Variants in GALNT13 observed in about 807,000 individuals in gnomAD.
GALNT13 encodes polypeptide N-acetylgalactosaminyltransferase 13, also known as UDP-GalNAc:polypeptide N-acetylgalactosaminyltransferase 13.
In GALNT13, 28 loss-of-function variants were observed where a neutral mutation model predicts 64.2. The ratio of observed to expected loss-of-function variants is 0.44; its 90% CI spans 0.32 to 0.60. The LOEUF is 0.60. GALNT13 is among the 20% of genes least tolerant of loss of function. The pLI is 0.05. For missense variants in GALNT13, 577 were observed against 669.8 expected (o/e 0.86, Z 1.53); for synonymous variants, 214 against 224.6 (o/e 0.95, Z 0.42).
At chr2:154,274,945 C>G (rs180839371) in intron 8 of GALNT13, among the ~76,000 whole-genome samples, 13 of 152,184 alleles carry the variant, frequency 8.5e-5, no homozygotes, top group African/African-American at 3.1e-4. Flanking sequence ...AAAGTCCAGG[C>G]TGAGGTGGTC....
At chr2:154,334,208 T>C (rs1226295099) in intron 9 of GALNT13, among the ~76,000 whole-genome samples, 2 of 152,084 alleles carry the variant, frequency 1.3e-5, no homozygotes, top group Admixed American at 1.3e-4. Context: ...ATTCAACTAA[T>C]GTTAGAGATA....
rs115721635 is a variant in GALNT13, at chr2:154,014,403, G to A, written c.142+69764G>A. On this transcript the variant is annotated intron_variant, in intron 3 of 12. Coordinates refer to ENST00000392825, the MANE Select transcript of GALNT13 (RefSeq NM_052917.4). ...CAGTATTCACTGGGGGCCAGGAGTG[G>A]GTCACAGGGCTCAACAGCCCCATGC... 7.1e-3 allele frequency among the ~76,000 whole-genome samples: 1,072 copies of A among 151,908 alleles called. 16 individuals carry two copies. The highest frequency in any genetic ancestry group is 0.024 in the African/African-American group (1,003 of 41,446).
At chr2:153,720,283 A>G in the GALNT13 span, among the ~76,000 whole-genome samples, 2 of 145,488 alleles carry the variant, frequency 1.4e-5, no homozygotes, top group Admixed American at 1.4e-4. Flanking sequence ...ACAAACAGAA[A>G]GGACATCCAC....
intron 3 of GALNT13, among the ~76,000 whole-genome samples, chr2:154,041,461 G>GT (rs1698972827): frequency 7.2e-6 from 1 of 139,682 alleles, no homozygotes. Flanking sequence ...GTTCTGTGAG[G>GT]TTTTTTTCTG....
chr2:153,724,106 C>G, the GALNT13 span, among the ~76,000 whole-genome samples: 106,845 of 125,168 alleles, frequency 0.85, 46,837 homozygotes, highest in Non-Finnish European at 0.9. Context: ...CCAAAACAGA[C>G]ATATAGATCA....
At chr2:154,086,539 A>G (rs757065330) in intron 3 of GALNT13, among the ~76,000 whole-genome samples, 4 of 151,504 alleles carry the variant, frequency 2.6e-5, no homozygotes, top group South Asian at 2.1e-4. Flanking sequence ...ATCCATTTGC[A>G]TAAAGTTTTG....
the GALNT13 span, among the ~76,000 whole-genome samples, chr2:153,741,341 T>C: frequency 6.6e-6 from 1 of 152,182 alleles, no homozygotes; most frequent in South Asian, 2.1e-4. Flanking sequence ...TTCTATCAGC[T>C]CTTCTCTAAA....
At chr2:154,389,836 A>C (rs1241620398) in intron 9 of GALNT13, among the ~76,000 whole-genome samples, 1 of 152,142 alleles carries the variant, frequency 6.6e-6, no homozygotes, top group Non-Finnish European at 1.5e-5. Flanking sequence ...GTGTAGGGAA[A>C]ACAGGAATTA....
chr2:153,883,273 G>T (rs532340616), intron 1 of GALNT13, among the ~76,000 whole-genome samples: 4 of 151,670 alleles, frequency 2.6e-5, no homozygotes, highest in African/African-American at 9.7e-5. Flanking sequence ...AATGAAACAA[G>T]ATGGAAAATA....
chr2:154,269,906 G>GTGTATATATATATATATATATA (rs529424469), intron 8 of GALNT13, among the ~76,000 whole-genome samples: 1,080 of 96,812 alleles, frequency 0.011, 82 homozygotes, highest in Non-Finnish European at 0.016. Flanking sequence ...ATATATATGT[G>GTGTATATATATATATATATATA]TATATATATA....
intron 3 of GALNT13, among the ~76,000 whole-genome samples, chr2:153,996,588 A>G (rs1695538375): frequency 6.6e-6 from 1 of 152,142 alleles, no homozygotes. Flanking sequence ...CCCTTGTCAG[A>G]TGCATAGTTT....
intron 3 of GALNT13, among the ~76,000 whole-genome samples, chr2:154,122,280 T>TA (rs761484188): frequency 1.7e-3 from 253 of 152,094 alleles, no homozygotes; most frequent in Middle Eastern, 3.4e-3. Flanking sequence ...TAATCTAGGA[T>TA]AAAAAATAGC....
At chr2:153,536,205 G>A in the GALNT13 span, among the ~76,000 whole-genome samples, 1 of 152,124 alleles carries the variant, frequency 6.6e-6, no homozygotes, top group Non-Finnish European at 1.5e-5. Context: ...AGCTCCAATG[G>A]TAAAACTAAC....
At chr2:153,868,314 A>C (rs1266919378), upstream of GALNT13, among the ~76,000 whole-genome samples, 9 of 152,220 alleles carry the variant, frequency 5.9e-5, no homozygotes, top group Non-Finnish European at 1.2e-4. Flanking sequence ...TGTAAGTACA[A>C]AGGAGGTAAG....
chr2:154,352,560 G>T (rs1696472705), intron 9 of GALNT13, among the ~76,000 whole-genome samples: 2 of 152,146 alleles, frequency 1.3e-5, no homozygotes, highest in African/African-American at 4.8e-5. Flanking sequence ...GCTCAGACAG[G>T]TGAAATAACT....
intron 3 of GALNT13, among the ~76,000 whole-genome samples, chr2:153,996,618 ATG>A (rs1695540842): frequency 6.6e-6 from 1 of 152,038 alleles, no homozygotes; most frequent in African/African-American, 2.4e-5. Context: ...GTCTCTCATT[ATG>A]TAGGCTGTAA....
At chr2:153,225,374 A>T in the GALNT13 span, among the ~76,000 whole-genome samples, 1 of 152,252 alleles carries the variant, frequency 6.6e-6, no homozygotes, top group African/African-American at 2.4e-5. Flanking sequence ...AAATGCCTAC[A>T]GATAATATCG....
At chr2:153,150,959 C>G in the GALNT13 span, among the ~76,000 whole-genome samples, 1 of 151,978 alleles carries the variant, frequency 6.6e-6, no homozygotes, top group Admixed American at 6.6e-5. Flanking sequence ...AATGCGGGCT[C>G]TTTTTTGGTT....
chr2:154,262,154 C>T (rs1400913218), intron 8 of GALNT13, among the ~76,000 whole-genome samples: 1 of 152,054 alleles, frequency 6.6e-6, no homozygotes, highest in African/African-American at 2.4e-5. Flanking sequence ...GGAGAAAGAT[C>T]CTTGGCATAT....
Sources: allele counts gnomAD v4.1 joint callset (sites outside exome capture counted in the v4.1 genomes callset), GRCh38; gene constraint gnomAD v4.1.1; transcripts MANE v1.5; gene names NCBI Gene and HGNC (gene_info 2026-07-23, HGNC 2026-07-21).